The following GRID2 variants were observed in gnomAD, a reference collection of about 807,000 sequenced individuals.
The protein encoded by GRID2 is glutamate ionotropic receptor delta type subunit 2.
GRID2 carries 33 observed loss-of-function variants against 114.8 expected under a neutral mutation model. The observed-to-expected ratio is 0.29, with a 90% CI of 0.22 to 0.38. GRID2 has a LOEUF of 0.38. Among genes scored for constraint, GRID2 ranks in the 10% least tolerant of loss-of-function variants. The pLI, the probability that GRID2 is intolerant of heterozygous loss-of-function variation, is 1.00. For missense variants in GRID2, 1,184 were observed against 1,257.7 expected (o/e 0.94, Z 0.89); for synonymous variants, 505 against 449.9 (o/e 1.12, Z -1.55).
chr4:93,311,365 GC>G, intron 8 of GRID2, among the ~76,000 whole-genome samples: 1 of 152,258 alleles, frequency 6.6e-6, no homozygotes, highest in East Asian at 1.9e-4. Flanking sequence ...CCATCTGGAG[GC>G]CTTGGTGTCA....
At chr4:93,449,755 T>C (rs531961420) in intron 10 of GRID2, among the ~76,000 whole-genome samples, 1 of 152,170 alleles carries the variant, frequency 6.6e-6, no homozygotes, top group Admixed American at 6.5e-5. Flanking sequence ...TACTTTGAAC[T>C]TGCCAATGTA....
chr4:93,341,106 G>A (rs971262700), intron 8 of GRID2, among the ~76,000 whole-genome samples: 2 of 151,970 alleles, frequency 1.3e-5, no homozygotes, highest in Non-Finnish European at 2.9e-5. Flanking sequence ...TTTTTTCAAA[G>A]CACATTTTAA....
intron 11 of GRID2, among the ~76,000 whole-genome samples, chr4:93,480,070 A>G (rs1725698303): frequency 6.6e-6 from 1 of 152,136 alleles, no homozygotes; most frequent in Admixed American, 6.6e-5. Context: ...AAATATTTAA[A>G]ACATTACATG....
At chr4:93,234,951 G>A (rs1026336305) in intron 7 of GRID2, among the ~76,000 whole-genome samples, 4 of 152,030 alleles carry the variant, frequency 2.6e-5, no homozygotes, top group African/African-American at 4.8e-5. Context: ...GATGTCCCAC[G>A]TGATCCTCCA....
At chr4:92,478,170 G>A (rs955581330) in intron 1 of GRID2, among the ~76,000 whole-genome samples, 1 of 151,880 alleles carries the variant, frequency 6.6e-6, no homozygotes, top group African/African-American at 2.4e-5. Context: ...TATTTGTGCA[G>A]TTATCTTTTT....
At chr4:93,306,296 C>T (rs897760565) in intron 8 of GRID2, 1 of 152,164 alleles carries the variant, frequency 6.6e-6, no homozygotes, top group African/African-American at 2.4e-5. Context: ...AAAAAAACTT[C>T]TTCATTCATT....
intron 4 of GRID2, among the ~76,000 whole-genome samples, chr4:93,155,927 G>A (rs1737142640): frequency 6.6e-6 from 1 of 151,672 alleles, no homozygotes; most frequent in South Asian, 2.1e-4. Flanking sequence ...GGTGAATATG[G>A]CCAGCAATAA....
intron 2 of GRID2, among the ~76,000 whole-genome samples, chr4:92,735,117 A>G (rs1736527571): frequency 6.6e-6 from 1 of 152,046 alleles, no homozygotes; most frequent in African/African-American, 2.4e-5. Flanking sequence ...GAATGTTAGT[A>G]TTGAACATTT....
chr4:93,192,476 T>A (rs1331468859), intron 4 of GRID2, among the ~76,000 whole-genome samples: 1 of 152,130 alleles, frequency 6.6e-6, no homozygotes, highest in Non-Finnish European at 1.5e-5. Context: ...GCACTGTGGC[T>A]CACGCCTGTA....
intron 2 of GRID2, among the ~76,000 whole-genome samples, chr4:92,600,052 A>ATATATATATATATATATATATATGTGTG (rs1560481961): frequency 3.9e-5 from 4 of 101,686 alleles, no homozygotes; most frequent in African/African-American, 1.9e-4. Context: ...GTGTATATAT[A>ATATATATATATATATATATATATGTGTG]TATATATATA....
At chr4:93,765,457 T>G (rs1578766205) in intron 14 of GRID2, among the ~76,000 whole-genome samples, 4 of 152,124 alleles carry the variant, frequency 2.6e-5, no homozygotes, top group East Asian at 1.9e-4. Context: ...TGTGGCATAT[T>G]CGTACTTGAA....
chr4:92,433,505 T>C (rs949676052), intron 1 of GRID2, among the ~76,000 whole-genome samples: 1 of 152,194 alleles, frequency 6.6e-6, no homozygotes, highest in African/African-American at 2.4e-5. Flanking sequence ...TTTTGCCCTG[T>C]GTTGCTTTCT....
chr4:93,595,623 T>A (rs1454984482), intron 13 of GRID2, among the ~76,000 whole-genome samples: 1 of 152,216 alleles, frequency 6.6e-6, no homozygotes, highest in Non-Finnish European at 1.5e-5. Context: ...GTCACTCTCT[T>A]GAGAGCTATT....
intron 7 of GRID2, among the ~76,000 whole-genome samples, chr4:93,236,484 A>G (rs1405024246): frequency 6.6e-6 from 1 of 151,910 alleles, no homozygotes; most frequent in Non-Finnish European, 1.5e-5. Context: ...GCTTCAGGAC[A>G]TTTTCTGAGG....
chr4:93,211,699 T>G (rs1579304578), intron 5 of GRID2, among the ~76,000 whole-genome samples: 1 of 152,156 alleles, frequency 6.6e-6, no homozygotes, highest in African/African-American at 2.4e-5. Flanking sequence ...ATAATTTCTT[T>G]TGGGCAAGCC....
intron 1 of GRID2, among the ~76,000 whole-genome samples, chr4:92,335,221 A>G (rs1301805352): frequency 6.6e-6 from 1 of 152,224 alleles, no homozygotes; most frequent in African/African-American, 2.4e-5. Context: ...TAAGAGTGGT[A>G]TATTACAAAG....
At chr4:93,796,617 C>T (rs562126710) in intron 1 of GRID2, among the ~76,000 whole-genome samples, 1 of 152,346 alleles carries the variant, frequency 6.6e-6, no homozygotes, top group African/African-American at 2.4e-5. Context: ...TATCTCGGCT[C>T]ACTGCAACCT....
At chr4:93,520,992 G>A (rs1480983090) in intron 13 of GRID2, among the ~76,000 whole-genome samples, 1 of 152,124 alleles carries the variant, frequency 6.6e-6, no homozygotes, top group African/African-American at 2.4e-5. Flanking sequence ...ACATGAGGCG[G>A]GGGTGGACCA....
chr4:92,702,712 T>G (rs971961883), intron 2 of GRID2: 1 of 151,924 alleles, frequency 6.6e-6, no homozygotes, highest in Non-Finnish European at 1.5e-5. Flanking sequence ...TATTGTATAA[T>G]GGTATACAAT....
Sources: gnomAD v4.1 joint callset for allele counts (sites outside exome capture counted in the v4.1 genomes callset) on GRCh38, gnomAD v4.1.1 for gene constraint, MANE v1.5 for transcripts, NCBI Gene and HGNC (gene_info 2026-07-23, HGNC 2026-07-21) for gene names.